TNFRSF10A: variants seen among roughly 807,000 people sequenced by gnomAD.
TNFRSF10A encodes tumor necrosis factor receptor superfamily member 10A.
In TNFRSF10A, 44 loss-of-function variants were observed where a neutral mutation model predicts 42.8. The observed-to-expected ratio is 1.03, with a 90% CI of 0.81 to 1.32. The LOEUF (loss-of-function observed/expected upper bound fraction) is 1.32. Ranked by LOEUF, TNFRSF10A falls within the 40% of genes most tolerant of loss-of-function variation. TNFRSF10A has a pLI of 0.00. For synonymous variants in TNFRSF10A, 259 were observed against 234.2 expected, an observed-to-expected ratio of 1.11 and a Z score of -0.97; for missense variants, 680 against 602.0, an observed-to-expected ratio of 1.13 and a Z score of -1.36.
At chr8:23,217,927 C>T (rs540051943) in intron 1 of TNFRSF10A, among the ~76,000 whole-genome samples, 16 of 152,186 alleles carry the variant, frequency 1.1e-4, no homozygotes, top group South Asian at 4.1e-4. Context: ...GCAGGGACAC[C>T]GGTAGACATA....
At chr8:23,198,031 A>G (rs1250375549) in intron 8 of TNFRSF10A, among the ~76,000 whole-genome samples, 1 of 151,452 alleles carries the variant, frequency 6.6e-6, no homozygotes, top group Non-Finnish European at 1.5e-5. Context: ...TTTTTTTTTA[A>G]TTACATTTTT....
intron 1 of TNFRSF10A, among the ~76,000 whole-genome samples, chr8:23,217,986 G>A (rs1373470092): frequency 1.3e-5 from 2 of 152,174 alleles, no homozygotes; most frequent in African/African-American, 4.8e-5. Context: ...CAGGTTCCTA[G>A]GCAGATACGA....
chr8:23,200,764 G>A lies in TNFRSF10A; in HGVS notation c.630-4C>T, dbSNP rs777255519. ...CTTGACCATCCCTCTGGGGCACCTG[G>A]GTACACACAGGGAGGGAGGGGGGGG... On this transcript the variant is annotated splice_polypyrimidine_tract_variant and splice_region_variant and intron_variant, in intron 4 of 9. Transcript: ENST00000221132. 6.2e-7 allele frequency: 1 copy of A among 1,602,286 alleles called. No homozygotes were observed. Among genetic ancestry groups the A allele is most frequent in the African/African-American group, 1.4e-5 (1 of 73,628 alleles).
rs1223299113 is a variant in TNFRSF10A, at chr8:23,191,485, AGAC to A, written c.*206_*208del. On this transcript the variant is annotated 3_prime_UTR_variant, in exon 10 of 10. Coordinates refer to ENST00000221132, the MANE Select transcript of TNFRSF10A (RefSeq NM_003844.4). ...AGTTAATTTTTGTATTTTTTTGTAA[AGAC>A]GGCATTTCACGATGTTGGTCAGGCT... 1.5e-6 allele frequency: 1 copy of A among 653,224 alleles called. No individual in the cohort carries two copies. Among genetic ancestry groups the A allele is most frequent in the Non-Finnish European group, 2.5e-6 (1 of 397,442 alleles). 40.5% of individuals were successfully genotyped at this position (653,224 alleles called of 1,614,324 possible).
intron 1 of TNFRSF10A, among the ~76,000 whole-genome samples, chr8:23,222,548 T>C (rs1801271479): frequency 6.6e-6 from 1 of 152,220 alleles, no homozygotes; most frequent in African/African-American, 2.4e-5. Flanking sequence ...TGCGATTTGT[T>C]CTTCAGTCAG....
At chr8:23,214,768 G>T (rs75104505) in intron 1 of TNFRSF10A, among the ~76,000 whole-genome samples, 4,315 of 152,178 alleles carry the variant, frequency 0.028, 206 homozygotes, top group African/African-American at 0.091. Flanking sequence ...ATGAGGGTTA[G>T]GTGATGTGTA....
At position 23,214,412 on chromosome 8, in the gene TNFRSF10A, TGA is replaced by T. The variant is rs540254619; in HGVS notation, c.307-2202_307-2201del. Among the ~76,000 whole-genome samples the T allele has an allele frequency of 7.3e-3, 1,105 of 151,410 alleles. 22 individuals are homozygous for T. Among genetic ancestry groups the T allele is most frequent in the African/African-American group, 0.025 (1,021 of 41,292 alleles). The stretch of plus-strand genomic sequence containing the variant: ...CTGAGGCAGGAGAATGGCGTGAACC[TGA>T]GAGACGGAGCTTGCAGTGAGCCGAG... On this transcript the variant is annotated intron_variant, in intron 1 of 9. Coordinates refer to ENST00000221132, the MANE Select transcript of TNFRSF10A (RefSeq NM_003844.4).
intron 5 of TNFRSF10A, 42 bp downstream of exon 5, chr8:23,200,645 C>G: frequency 1.2e-6 from 2 of 1,613,934 alleles, no homozygotes; most frequent in Non-Finnish European, 1.7e-6. Context: ...CTGCTGGTCC[C>G]TGTCTCCTCT....
In TNFRSF10A at chr8:23,207,054, C is replaced by T. The variant is rs1342418458; in HGVS notation, c.404-4293G>A. On this transcript the variant is annotated intron_variant, in intron 2 of 9. Coordinates refer to ENST00000221132, the MANE Select transcript of TNFRSF10A (RefSeq NM_003844.4). Reference sequence around the variant, plus strand: ...AGAATATCCATACATCACCCACCTTCCGGTGGCCCAAGATACTGAGACTCT... The same window carrying T: ...AGAATATCCATACATCACCCACCTTTCGGTGGCCCAAGATACTGAGACTCT... 27 of 473,582 alleles carry T rather than the reference C, an allele frequency of 5.7e-5. No individual in the cohort carries two copies. The Admixed American group carries it at 7.0e-4, about 12-fold the overall frequency. The allele number at this position is 473,582 out of a possible 1,614,324, so 29.3% of individuals were successfully genotyped here.
chr8:23,210,693 A>C (rs527927255), intron 2 of TNFRSF10A, among the ~76,000 whole-genome samples: 1 of 152,186 alleles, frequency 6.6e-6, no homozygotes, highest in South Asian at 2.1e-4. Flanking sequence ...AAAACAAAAA[A>C]CAAAACAAAA....
intron 1 of TNFRSF10A, among the ~76,000 whole-genome samples, chr8:23,215,684 G>T (rs2128851079): frequency 6.6e-6 from 1 of 152,142 alleles, no homozygotes; most frequent in South Asian, 2.1e-4. Context: ...AAATTGATTG[G>T]CATAAAGTTA....
chr8:23,196,515 C>G (rs140448807), intron 9 of TNFRSF10A, among the ~76,000 whole-genome samples: 383 of 152,126 alleles, frequency 2.5e-3, no homozygotes, highest in African/African-American at 8.9e-3. Context: ...ACATTTTATC[C>G]CTACTATATA....
At chr8:23,197,627 T>C (rs191799025) in intron 8 of TNFRSF10A, among the ~76,000 whole-genome samples, 5 of 152,308 alleles carry the variant, frequency 3.3e-5, no homozygotes, top group African/African-American at 1.2e-4. Context: ...TCATTATATA[T>C]TATAATGTGA....
At chr8:23,213,156 C>T (rs953823599) in intron 1 of TNFRSF10A, among the ~76,000 whole-genome samples, 2 of 152,100 alleles carry the variant, frequency 1.3e-5, no homozygotes, top group African/African-American at 4.8e-5. Context: ...CCAGTTTTAT[C>T]AATGTGCTCT....
At chr8:23,194,196 G>A (rs947856795) in intron 9 of TNFRSF10A, among the ~76,000 whole-genome samples, 3 of 152,300 alleles carry the variant, frequency 2.0e-5, no homozygotes, top group Middle Eastern at 3.4e-3. Flanking sequence ...GGATCTTTGT[G>A]TGTGCATATA....
chr8:23,194,614 A>G (rs1167253852), intron 9 of TNFRSF10A, among the ~76,000 whole-genome samples: 5 of 152,202 alleles, frequency 3.3e-5, no homozygotes, highest in Non-Finnish European at 5.9e-5. Flanking sequence ...AAATATCTAT[A>G]TATTTAACTT....
rs756881543 is a variant in TNFRSF10A, at chr8:23,212,128, A to G, written c.391T>C (p.Leu131=). The stretch of plus-strand genomic sequence containing the variant: ...TCTTAGAATGTACCTGGTGGACACA[A>G]CTCTCCCAAAGGGCTATGTTCCCAT... ...QQWEHSPLGE[L]CPPGSHRSEH... is the part of the protein sequence containing the mutation. The change falls in exon 2 of 10, where the codon TTG becomes CTG. Residue 131 remains leucine, a synonymous_variant. Transcript: ENST00000221132. 6 of 1,613,532 alleles carry G rather than the reference A, an allele frequency of 3.7e-6. No individual in the cohort carries two copies. The Admixed American group carries it at 5.0e-5, about 13-fold the overall frequency.
chr8:23,193,331 C>T (rs1170472150), intron 9 of TNFRSF10A, among the ~76,000 whole-genome samples: 1 of 152,184 alleles, frequency 6.6e-6, no homozygotes, highest in Non-Finnish European at 1.5e-5. Flanking sequence ...TTCAGTCTCT[C>T]TCAGGTCCCA....
chr8:23,222,161 G>T (rs1233239949), intron 1 of TNFRSF10A, among the ~76,000 whole-genome samples: 2 of 152,186 alleles, frequency 1.3e-5, no homozygotes, highest in African/African-American at 4.8e-5. Context: ...ACAGGCGTTA[G>T]CCACCGCACC....
Sources: gnomAD v4.1 joint callset for allele counts (sites outside exome capture counted in the v4.1 genomes callset) on GRCh38, gnomAD v4.1.1 for gene constraint, MANE v1.5 for transcripts, NCBI Gene and HGNC (gene_info 2026-07-23, HGNC 2026-07-21) for gene names.